RAI14: variants seen among roughly 807,000 people sequenced by gnomAD.
RAI14 encodes ankycorbin.
In RAI14, 45 loss-of-function variants were observed where a neutral mutation model predicts 115.4. That is an observed-to-expected ratio of 0.39 (90% CI 0.31 to 0.50). The LOEUF is 0.50. Ranked by LOEUF, RAI14 falls within the 20% of genes least tolerant of loss-of-function variation. The probability of loss-of-function intolerance (pLI) is 0.85; values close to 1 mark genes in which losing one functional copy is unlikely to be tolerated. For synonymous variants in RAI14, 371 were observed against 415.4 expected (o/e 0.89, Z 1.30); for missense variants, 939 against 1,131.2 (o/e 0.83, Z 2.44).
In RAI14 at chr5:34,720,652, T is replaced by C. The variant is rs1369969788; in HGVS notation, c.36+33697T>C. Among the ~76,000 whole-genome samples the C allele has an allele frequency of 5.3e-5, 8 of 152,100 alleles. No homozygotes were observed. The East Asian group carries it at 7.8e-4, about 15-fold the overall frequency. ...GTCTCGATCTCCTGACTTTGTGATC[T>C]GCCCACCTCGGCCTCCCAAAGTGCT... On this transcript the variant is annotated intron_variant, in intron 2 of 17. Transcript: ENST00000265109.
At chr5:34,680,419 G>A (rs996515290) in intron 1 of RAI14, among the ~76,000 whole-genome samples, 5 of 152,076 alleles carry the variant, frequency 3.3e-5, no homozygotes, top group Admixed American at 2.6e-4. Flanking sequence ...TTATAATAAC[G>A]GGCTCTGGCA....
At chr5:34,814,813 A>AT (rs941856260) in intron 12 of RAI14, 144 bp downstream of exon 12, 3 of 651,736 alleles carry the variant, frequency 4.6e-6, no homozygotes, top group Admixed American at 2.9e-5. Flanking sequence ...CCCCTTGATT[A>AT]TTTTTTCTGG....
chr5:34,752,735 GTGTGTGTGTGTGTGTA>G (rs1476906829), intron 2 of RAI14, among the ~76,000 whole-genome samples: 23 of 90,980 alleles, frequency 2.5e-4, no homozygotes, highest in African/African-American at 9.1e-4. Context: ...GTGTGTGTGT[GTGTGTGTGTGTGTGTA>G]TATATATATA....
chr5:34,802,371 G>T (rs924875259), intron 4 of RAI14, among the ~76,000 whole-genome samples: 3 of 152,186 alleles, frequency 2.0e-5, no homozygotes, highest in African/African-American at 7.2e-5. Context: ...ATGGGAGAAA[G>T]TGCTTTAAAC....
At chr5:34,780,069 C>A (rs1751413257) in intron 3 of RAI14, among the ~76,000 whole-genome samples, 2 of 152,154 alleles carry the variant, frequency 1.3e-5, no homozygotes, top group Admixed American at 1.3e-4. Flanking sequence ...AATAATACTA[C>A]ACATCTACAA....
chr5:34,805,335 G>T (rs1580320584), intron 5 of RAI14, among the ~76,000 whole-genome samples: 1 of 152,046 alleles, frequency 6.6e-6, no homozygotes, highest in Admixed American at 6.5e-5. Context: ...TCTTGTCTCA[G>T]TAGCCCAGGC....
At chr5:34,730,196 G>A (rs1743998050) in intron 2 of RAI14, among the ~76,000 whole-genome samples, 2 of 152,098 alleles carry the variant, frequency 1.3e-5, no homozygotes, top group Admixed American at 1.3e-4. Flanking sequence ...TGTTATCGTG[G>A]TAAGCATTTT....
At chr5:34,820,346 G>A (rs940254182) in intron 13 of RAI14, among the ~76,000 whole-genome samples, 4 of 152,192 alleles carry the variant, frequency 2.6e-5, no homozygotes, top group African/African-American at 4.8e-5. Context: ...TTGGGAGGCC[G>A]AGGTGGGCAG....
intron 1 of RAI14, among the ~76,000 whole-genome samples, chr5:34,660,585 T>G (rs771286089): frequency 6.6e-6 from 1 of 152,176 alleles, no homozygotes; most frequent in Non-Finnish European, 1.5e-5. Flanking sequence ...CAACCTCCTC[T>G]TCCTCATTTC....
intron 3 of RAI14, among the ~76,000 whole-genome samples, chr5:34,787,537 G>T (rs1031447118): frequency 2.6e-5 from 4 of 152,160 alleles, no homozygotes; most frequent in Non-Finnish European, 5.9e-5. Flanking sequence ...TCCAGAATAG[G>T]CAAATCCATA....
intron 1 of RAI14, among the ~76,000 whole-genome samples, chr5:34,679,804 CT>C (rs1744258495): frequency 6.6e-6 from 1 of 152,132 alleles, no homozygotes; most frequent in South Asian, 2.1e-4. Context: ...TAGTGCTTTT[CT>C]CTTGTACATG....
intron 3 of RAI14, among the ~76,000 whole-genome samples, chr5:34,776,599 A>G (rs1216758082): frequency 3.3e-5 from 5 of 152,092 alleles, no homozygotes; most frequent in Admixed American, 3.3e-4. Flanking sequence ...GGAGCCCAGG[A>G]GTTCAAGGCC....
At chr5:34,798,495 C>T (rs954786571) in intron 4 of RAI14, among the ~76,000 whole-genome samples, 10 of 152,110 alleles carry the variant, frequency 6.6e-5, no homozygotes, top group African/African-American at 2.4e-4. Context: ...TGTCCCAATA[C>T]ATTTTTACAT....
In RAI14 at chr5:34,693,712, A is replaced by C. The variant is rs963084495; in HGVS notation, c.36+6757A>C. Among the ~76,000 whole-genome samples the C allele has an allele frequency of 2.6e-5, 4 of 152,226 alleles. No individual in the cohort carries two copies. The East Asian group carries it at 7.7e-4, about 29-fold the overall frequency. ...GTTTTTCTGGATGGGAGAGTGTCGC[A>C]TGCTGTCAACCGCAGCACACGCTTG... On this transcript the variant is annotated intron_variant, in intron 2 of 17. Coordinates refer to ENST00000265109, the MANE Select transcript of RAI14 (RefSeq NM_015577.3).
chr5:34,664,414 C>CAA (rs11311801), intron 1 of RAI14, among the ~76,000 whole-genome samples: 2 of 108,396 alleles, frequency 1.8e-5, no homozygotes, highest in African/African-American at 7.7e-5. Flanking sequence ...GACACTGTCT[C>CAA]AAAAAAAAAA....
chr5:34,716,291 G>A (rs1258846569), intron 2 of RAI14: 1 of 274,936 alleles, frequency 3.6e-6, no homozygotes, highest in African/African-American at 2.3e-5. Context: ...TTCCCTTTGG[G>A]CTATTCCCCT....
chr5:34,658,054 A>G (rs1330251107), intron 1 of RAI14, among the ~76,000 whole-genome samples: 3 of 152,204 alleles, frequency 2.0e-5, no homozygotes, highest in Non-Finnish European at 2.9e-5. Flanking sequence ...AGAGATTGGG[A>G]GAGCTATCCC....
In RAI14 at chr5:34,691,202, G is replaced by A. The variant is rs74641256; in HGVS notation, c.36+4247G>A. Among the ~76,000 whole-genome samples, 482 of 152,164 alleles carry A rather than the reference G, an allele frequency of 3.2e-3. 19 individuals carry two copies. The East Asian group carries it at 0.07, about 22-fold the overall frequency. On this transcript the variant is annotated intron_variant, in intron 2 of 17. Coordinates refer to ENST00000265109, the MANE Select transcript of RAI14 (RefSeq NM_015577.3). Reference sequence around the variant, plus strand: ...CAGGGGAGACAGCTTGCAGCACAGCGGGTTAACTCAGTCTCAAAAATGGCC... The same window carrying A: ...CAGGGGAGACAGCTTGCAGCACAGCAGGTTAACTCAGTCTCAAAAATGGCC...
At chr5:34,778,320 C>G (rs563870807) in intron 3 of RAI14, among the ~76,000 whole-genome samples, 102 of 152,320 alleles carry the variant, frequency 6.7e-4, no homozygotes, top group African/African-American at 2.4e-3. Context: ...GCATTTCTAA[C>G]ATGCTCCTGT....
Sources: gnomAD v4.1 joint callset for allele counts (sites outside exome capture counted in the v4.1 genomes callset) on GRCh38, gnomAD v4.1.1 for gene constraint, MANE v1.5 for transcripts, NCBI Gene and HGNC (gene_info 2026-07-23, HGNC 2026-07-21) for gene names.